CDH12: variants seen among roughly 807,000 people sequenced by gnomAD.
CDH12 encodes the protein cadherin 12.
CDH12 carries 41 observed loss-of-function variants against 74.1 expected under a neutral mutation model. The observed-to-expected ratio is 0.55, with a 90% CI of 0.43 to 0.72. CDH12 has a LOEUF of 0.72. Among genes scored for constraint, CDH12 ranks in the 30% least tolerant of loss-of-function variants. The probability of loss-of-function intolerance (pLI) is 0.00; values close to 1 mark genes in which losing one functional copy is unlikely to be tolerated. For missense variants in CDH12, 945 were observed against 977.2 expected, an observed-to-expected ratio of 0.97 and a Z score of 0.44; for synonymous variants, 399 against 355.0, an observed-to-expected ratio of 1.12 and a Z score of -1.39.
intron 1 of CDH12, among the ~76,000 whole-genome samples, chr5:22,729,700 C>T (rs1744335230): frequency 6.6e-6 from 1 of 151,880 alleles, no homozygotes; most frequent in South Asian, 2.1e-4. Context: ...TAGAAATCCT[C>T]TTAGTAGAAT....
chr5:22,692,249 G>T (rs1372779987), intron 1 of CDH12, among the ~76,000 whole-genome samples: 2 of 152,156 alleles, frequency 1.3e-5, no homozygotes, highest in African/African-American at 4.8e-5. Context: ...AGATGCAGAT[G>T]GTGGTGTCCG....
intron 4 of CDH12, among the ~76,000 whole-genome samples, chr5:22,140,301 C>A (rs1282381565): frequency 6.6e-6 from 1 of 151,816 alleles, no homozygotes; most frequent in Admixed American, 6.6e-5. Context: ...ACTAGACAAG[C>A]TATTGGCTAA....
chr5:22,630,880 A>G (rs1362280281), intron 1 of CDH12, among the ~76,000 whole-genome samples: 1 of 152,136 alleles, frequency 6.6e-6, no homozygotes, highest in Non-Finnish European at 1.5e-5. Context: ...ATATTTGCAA[A>G]TTATGCATCC....
chr5:22,127,478 G>GAAA (rs778116731), intron 4 of CDH12, among the ~76,000 whole-genome samples: 7 of 106,774 alleles, frequency 6.6e-5, no homozygotes, highest in South Asian at 3.4e-4. Context: ...ACTCCATCTC[G>GAAA]AAAAAAAAAA....
intron 4 of CDH12, among the ~76,000 whole-genome samples, chr5:22,088,954 A>T (rs1743236141): frequency 6.6e-6 from 1 of 152,296 alleles, no homozygotes; most frequent in African/African-American, 2.4e-5. Context: ...CTTAAATAAA[A>T]CTTCATACCA....
rs4144680 is a variant in CDH12 at position 22,602,027 on chromosome 5, C to A, written c.-522-96663G>T. The stretch of plus-strand genomic sequence containing the variant: ...AACCATTAAGTAAAGATTTAAAGTA[C>A]TTATTTTCCTTTTAATATTAGCAAT... On this transcript the variant is annotated intron_variant, in intron 1 of 14. Coordinates refer to ENST00000382254, the MANE Select transcript of CDH12 (RefSeq NM_004061.5). 1.4e-4 allele frequency among the ~76,000 whole-genome samples: 22 copies of A among 152,138 alleles called. No individual in the cohort carries two copies. In the East Asian group the frequency reaches 4.1e-3, roughly 28 times the overall value.
chr5:22,020,590 C>T (rs1737911268), intron 5 of CDH12, among the ~76,000 whole-genome samples: 2 of 151,462 alleles, frequency 1.3e-5, no homozygotes, highest in South Asian at 2.1e-4. Context: ...CCTCCAAGAT[C>T]GAGATTCATG....
chr5:21,915,204 G>A (rs1223175500), intron 6 of CDH12, among the ~76,000 whole-genome samples: 1 of 152,128 alleles, frequency 6.6e-6, no homozygotes, highest in Non-Finnish European at 1.5e-5. Context: ...TTATAGCACA[G>A]GTTGAACAAC....
intron 1 of CDH12, among the ~76,000 whole-genome samples, chr5:22,597,865 A>C (rs975076454): frequency 1.3e-5 from 2 of 152,190 alleles, no homozygotes; most frequent in African/African-American, 4.8e-5. Context: ...TTTATCTCAA[A>C]TATAGAAAAT....
intron 3 of CDH12, among the ~76,000 whole-genome samples, chr5:22,229,860 TAC>T (rs150657280): frequency 9.0e-4 from 133 of 148,268 alleles, no homozygotes; most frequent in African/African-American, 2.3e-3. Flanking sequence ...TTCTAATTGA[TAC>T]ACACACACAC....
At chr5:21,954,526 T>C (rs1472538930) in intron 6 of CDH12, among the ~76,000 whole-genome samples, 1 of 152,150 alleles carries the variant, frequency 6.6e-6, no homozygotes, top group Non-Finnish European at 1.5e-5. Context: ...ACCAAGTTAG[T>C]GCTGCTTGCT....
chr5:22,050,545 A>G (rs939092657), intron 5 of CDH12, among the ~76,000 whole-genome samples: 1 of 152,140 alleles, frequency 6.6e-6, no homozygotes, highest in African/African-American at 2.4e-5. Flanking sequence ...TAAACTTACT[A>G]TGTCTAAAAG....
intron 6 of CDH12, among the ~76,000 whole-genome samples, chr5:21,864,750 A>G (rs1751238627): frequency 6.6e-6 from 1 of 152,186 alleles, no homozygotes; most frequent in African/African-American, 2.4e-5. Flanking sequence ...AAAAACCTAG[A>G]TCACCATGAA....
chr5:22,649,781 G>A (rs1238328866), intron 1 of CDH12, among the ~76,000 whole-genome samples: 2 of 151,792 alleles, frequency 1.3e-5, no homozygotes, highest in East Asian at 1.9e-4. Flanking sequence ...TAAATCTAAA[G>A]GGGAATCATA....
At chr5:21,880,494 C>CTTT (rs1264918874) in intron 6 of CDH12, among the ~76,000 whole-genome samples, 3 of 52,076 alleles carry the variant, frequency 5.8e-5, no homozygotes, top group Non-Finnish European at 1.1e-4. Flanking sequence ...TTCCTTCCTT[C>CTTT]CTTCCTTCCT....
intron 1 of CDH12, among the ~76,000 whole-genome samples, chr5:22,833,718 G>A (rs560808714): frequency 6.6e-6 from 1 of 152,228 alleles, no homozygotes; most frequent in South Asian, 2.1e-4. Context: ...TAATTGGCAA[G>A]TTTTTTAAAA....
rs527808970 is a variant in CDH12, at chr5:22,200,618, T to G, written c.-187+11880A>C. Among the ~76,000 whole-genome samples, 4 of 152,292 alleles carry G rather than the reference T, an allele frequency of 2.6e-5. No homozygotes were observed. In the South Asian group the frequency reaches 8.3e-4, roughly 32 times the overall value. On this transcript the variant is annotated intron_variant, in intron 4 of 14. Coordinates refer to ENST00000382254, the MANE Select transcript of CDH12 (RefSeq NM_004061.5). ...TTTCAGTGGTTACTACCATGATAAG[T>G]GTTTTGAACTAATCTAATTGTTACT...
At chr5:22,633,884 A>C (rs1738704202) in intron 1 of CDH12, among the ~76,000 whole-genome samples, 1 of 152,174 alleles carries the variant, frequency 6.6e-6, no homozygotes. Context: ...TCTCCTATTA[A>C]TTCTCTTTAT....
intron 2 of CDH12, among the ~76,000 whole-genome samples, chr5:22,500,684 G>T (rs1018996216): frequency 6.6e-6 from 1 of 152,116 alleles, no homozygotes; most frequent in African/African-American, 2.4e-5. Context: ...TCCATGCTCA[G>T]TATGTTCTGA....
Sources: gnomAD v4.1 joint callset for allele counts (sites outside exome capture counted in the v4.1 genomes callset) on GRCh38, gnomAD v4.1.1 for gene constraint, MANE v1.5 for transcripts, NCBI Gene and HGNC (gene_info 2026-07-23, HGNC 2026-07-21) for gene names.